Variants in TMEM260 observed in about 807,000 individuals in gnomAD.
TMEM260 encodes transmembrane protein 260.
Under a neutral mutation model 88.9 loss-of-function variants are expected in TMEM260, and 82 were observed. The ratio of observed to expected loss-of-function variants is 0.92; its 90% CI spans 0.77 to 1.11. The LOEUF is 1.11. TMEM260 is among the 50% of genes least tolerant of loss of function. The pLI is 0.00. For synonymous variants in TMEM260, 314 were observed against 309.3 expected (o/e 1.02, Z -0.16); for missense variants, 902 against 853.4 (o/e 1.06, Z -0.71).
chr14:56,632,302 CAG>C (rs945057097), intron 12 of TMEM260, among the ~76,000 whole-genome samples: 4 of 152,134 alleles, frequency 2.6e-5, no homozygotes, highest in Non-Finnish European at 5.9e-5. Flanking sequence ...GACTGAAGGA[CAG>C]AGAGAAAAAG....
At chr14:56,643,464 T>A (rs896149500) in intron 15 of TMEM260, among the ~76,000 whole-genome samples, 1 of 152,046 alleles carries the variant, frequency 6.6e-6, no homozygotes, top group Non-Finnish European at 1.5e-5. Context: ...CAACAACCCT[T>A]CATGCTAAAA....
intron 8 of TMEM260, 41 bp from the exon 9 acceptor site, chr14:56,617,142 G>T (rs376861421): frequency 1.6e-5 from 19 of 1,168,262 alleles, no homozygotes; most frequent in African/African-American, 1.3e-4. Flanking sequence ...TGACATTCAT[G>T]TATCTAAATA....
rs1172420756 is a variant in TMEM260 at position 56,648,768 on chromosome 14, C to T, written c.*1271C>T. On this transcript the variant is annotated 3_prime_UTR_variant, in exon 16 of 16. Coordinates refer to ENST00000261556, the MANE Select transcript of TMEM260 (RefSeq NM_017799.4). ...ATGCTGCAGGATGCCATGTAGGCAT[C>T]TGTCTGGAGTGTCCTTTGTGATGTC... 1.3e-5 allele frequency: 2 copies of T among 152,650 alleles called. No homozygotes were observed. Among genetic ancestry groups the T allele is most frequent in the Non-Finnish European group, 2.9e-5 (2 of 68,058 alleles). The allele number at this position is 152,650 out of a possible 1,614,324, so 9.5% of individuals were successfully genotyped here. A position where few individuals can be genotyped will look rare whatever the true frequency, so the allele number is the denominator to read the frequency against.
At chr14:56,653,743 A>AAAAAAAAAAAAC (rs1555343580), downstream of TMEM260, among the ~76,000 whole-genome samples, 1 of 134,250 alleles carries the variant, frequency 7.4e-6, no homozygotes, top group African/African-American at 3.4e-5. Context: ...CTCCAAAACA[A>AAAAAAAAAAAAC]AAAAAAAAAA....
chr14:56,581,802 C>T (rs571668963), intron 1 of TMEM260, among the ~76,000 whole-genome samples: 1 of 152,332 alleles, frequency 6.6e-6, no homozygotes, highest in East Asian at 1.9e-4. Flanking sequence ...ATATTGACTT[C>T]AGAATATGCC....
At chr14:56,586,009 G>T in intron 3 of TMEM260, 97 bp downstream of exon 3, 3 of 1,269,270 alleles carry the variant, frequency 2.4e-6, no homozygotes, top group South Asian at 1.5e-5. Flanking sequence ...TTTGTTGCTT[G>T]GTTTCCCTAA....
chr14:56,596,469 A>T (rs969895287), intron 3 of TMEM260, among the ~76,000 whole-genome samples: 8 of 148,102 alleles, frequency 5.4e-5, no homozygotes, highest in Non-Finnish European at 1.2e-4. Flanking sequence ...TATATTTTTA[A>T]TTAAAAAATA....
chr14:56,625,278 A>T, intron 11 of TMEM260, 104 bp from the exon 12 acceptor site: 1 of 1,046,912 alleles, frequency 9.6e-7, no homozygotes, highest in Non-Finnish European at 1.4e-6. Flanking sequence ...TATATATATT[A>T]GGTTGGTGCA....
chr14:56,606,518 C>G (rs2139560123), intron 5 of TMEM260, among the ~76,000 whole-genome samples: 1 of 152,318 alleles, frequency 6.6e-6, no homozygotes, highest in South Asian at 2.1e-4. Context: ...TACTTGAACA[C>G]ATTTTGCTTC....
chr14:56,617,142 G>A (rs376861421), intron 8 of TMEM260, 41 bp from the exon 9 acceptor site: 1 of 1,168,144 alleles, frequency 8.6e-7, no homozygotes, highest in Non-Finnish European at 1.2e-6. Context: ...TGACATTCAT[G>A]TATCTAAATA....
chr14:56,663,115 G>A, the TMEM260 span, among the ~76,000 whole-genome samples: 2 of 152,110 alleles, frequency 1.3e-5, no homozygotes, highest in East Asian at 1.9e-4. The surrounding 1 kb of genome is among the most constrained non-coding windows in gnomAD (Gnocchi z 4.1). Context: ...AGCAACAAGA[G>A]CAAAACTCTG....
chr14:56,645,131 A>C (rs1369431967), intron 15 of TMEM260, among the ~76,000 whole-genome samples: 1 of 151,124 alleles, frequency 6.6e-6, no homozygotes, highest in Non-Finnish European at 1.5e-5. Flanking sequence ...TGACCCAGCC[A>C]TCCCATTACT....
intron 1 of TMEM260, among the ~76,000 whole-genome samples, chr14:56,581,421 G>A (rs1885126437): frequency 6.6e-6 from 1 of 152,150 alleles, no homozygotes; most frequent in Non-Finnish European, 1.5e-5. Context: ...GTGTAGTAGG[G>A]AGTTTCTGTA....
At chr14:56,591,510 G>C (rs1885858489) in intron 3 of TMEM260, among the ~76,000 whole-genome samples, 1 of 152,174 alleles carries the variant, frequency 6.6e-6, no homozygotes, top group Admixed American at 6.5e-5. Context: ...TAAGTTTTCA[G>C]TTAGAAAGGA....
intron 12 of TMEM260, among the ~76,000 whole-genome samples, chr14:56,628,790 A>G (rs1420137815): frequency 6.6e-6 from 1 of 152,008 alleles, no homozygotes; most frequent in Non-Finnish European, 1.5e-5. Context: ...TCAGATCTCT[A>G]TTTTTAATTG....
chr14:56,628,687 ATCTTTTT>A (rs1211880137), intron 12 of TMEM260, among the ~76,000 whole-genome samples: 1 of 152,014 alleles, frequency 6.6e-6, no homozygotes, highest in Non-Finnish European at 1.5e-5. Context: ...TTTGTGGTTT[ATCTTTTT>A]TCATCCTTTT....
intron 3 of TMEM260, among the ~76,000 whole-genome samples, chr14:56,596,488 C>T (rs1471667950): frequency 2.7e-5 from 4 of 148,338 alleles, no homozygotes; most frequent in South Asian, 4.2e-4. Context: ...TATATCAGGC[C>T]GGGCATGGTG....
intron 15 of TMEM260, among the ~76,000 whole-genome samples, chr14:56,640,569 C>T (rs1358836527): frequency 6.6e-6 from 1 of 151,588 alleles, no homozygotes; most frequent in Non-Finnish European, 1.5e-5. Flanking sequence ...AAACCAGAAA[C>T]TCTAAAAATC....
chr14:56,644,628 C>T (rs1381324710), intron 15 of TMEM260, among the ~76,000 whole-genome samples: 1 of 152,126 alleles, frequency 6.6e-6, no homozygotes, highest in Non-Finnish European at 1.5e-5. Flanking sequence ...AAAGCAATGG[C>T]AACAAAAGCC....
Sources: allele counts gnomAD v4.1 joint callset (sites outside exome capture counted in the v4.1 genomes callset), GRCh38; gene constraint gnomAD v4.1.1; non-coding constraint Gnocchi (gnomAD v3.1); transcripts MANE v1.5; gene names NCBI Gene and HGNC (gene_info 2026-07-23, HGNC 2026-07-21).